The following FXN variants were observed in gnomAD, a reference collection of about 807,000 sequenced individuals.
The protein encoded by FXN is frataxin, mitochondrial.
A neutral mutation model predicts 22.4 loss-of-function variants in FXN; 14 were observed. The ratio of observed to expected loss-of-function variants is 0.62; its 90% confidence interval spans 0.41 to 0.98. The LOEUF (loss-of-function observed/expected upper bound fraction) is 0.98. FXN is among the 50% of genes least tolerant of loss of function. The pLI, the probability that FXN is intolerant of heterozygous loss-of-function variation, is 0.00. For synonymous variants in FXN, 120 were observed against 114.1 expected, an observed-to-expected ratio of 1.05 and a Z score of -0.33; for missense variants, 267 against 268.4, an observed-to-expected ratio of 0.99 and a Z score of 0.04.
chr9:69,053,220 A>T lies in FXN; in HGVS notation c.344A>T (p.Asp115Val). 6.2e-7 allele frequency: 1 copy of T among 1,613,976 alleles called. No homozygotes were observed. The highest frequency in any genetic ancestry group is 2.2e-5 in the East Asian group (1 of 44,854). Residue 115 changes from aspartate to valine, a missense_variant, in exon 3 of 5, where the codon GAC becomes GTC. By Grantham distance (152) the Asp-to-Val change is radical. Coordinates refer to ENST00000484259, the MANE Select transcript of FXN (RefSeq NM_000144.5). ...GCAGAGTTTTTTGAAGACCTTGCAG[A>T]CAAGCCATACACGTTTGAGGACTAT... ...SLAEFFEDLA[D>V]KPYTFEDYDV...
At chr9:69,068,429 A>G (rs1308587832) in intron 4 of FXN, among the ~76,000 whole-genome samples, 1 of 152,134 alleles carries the variant, frequency 6.6e-6, no homozygotes, top group African/African-American at 2.4e-5. Flanking sequence ...TTTGAGACGG[A>G]ACACCCCACA....
intron 1 of FXN, among the ~76,000 whole-genome samples, chr9:69,038,852 A>G (rs1299885385): frequency 6.6e-6 from 1 of 152,226 alleles, no homozygotes; most frequent in Non-Finnish European, 1.5e-5. Context: ...TACTTCCAGC[A>G]TATCTCAATT....
intron 3 of FXN, among the ~76,000 whole-genome samples, chr9:69,060,437 A>G (rs891424209): frequency 6.6e-6 from 1 of 151,974 alleles, no homozygotes; most frequent in African/African-American, 2.4e-5. Flanking sequence ...CCTGCATCTC[A>G]GAAACTGCTA....
chr9:69,037,284 A>AAAAAGAAGAAGAAGAAGAAGAAGAAGAAG (rs544093183), intron 1 of FXN, among the ~76,000 whole-genome samples: 42 of 78,054 alleles, frequency 5.4e-4, no homozygotes, highest in Admixed American at 7.4e-4. Flanking sequence ...AAAAAAAAAA[A>AAAAAGAAGAAGAAGAAGAAGAAGAAGAAG]AAGAAGAAGA....
intron 1 of FXN, 59 bp downstream of exon 1, chr9:69,036,006 CCTG>C: frequency 7.9e-7 from 1 of 1,268,138 alleles, no homozygotes; most frequent in Non-Finnish European, 9.9e-7. Context: ...ACGCCGCACG[CCTG>C]CGCAGGGAGG....
rs150169295 is a variant in FXN at position 69,075,797 on chromosome 9, C to CAA, written c.*3037_*3038dup. On this transcript the variant is annotated 3_prime_UTR_variant, in exon 5 of 5. Transcript: ENST00000484259. ...TCAGGCTGGAGGACAGTGGTACAAT[C>CAA]AAAGCTCATGGCAGCCTCGACCTCC... 1.6e-3 allele frequency: 1,305 copies of CAA among 835,718 alleles called. 18 individuals carry two copies. The African/African-American group carries it at 0.022, about 14-fold the overall frequency. The allele number at this position is 835,718 out of a possible 1,614,324, so 51.8% of individuals were successfully genotyped here. A position where few individuals can be genotyped will look rare whatever the true frequency, so the allele number is the denominator to read the frequency against.
intron 2 of FXN, among the ~76,000 whole-genome samples, chr9:69,047,487 C>T (rs904499462): frequency 1.3e-5 from 2 of 152,206 alleles, no homozygotes; most frequent in African/African-American, 4.8e-5. Flanking sequence ...GGATCAACCT[C>T]TGCCCTGGCA....
At chr9:69,056,500 T>G (rs1282752791) in intron 3 of FXN, among the ~76,000 whole-genome samples, 2 of 152,154 alleles carry the variant, frequency 1.3e-5, no homozygotes, top group Non-Finnish European at 2.9e-5. Context: ...AGACTGCATA[T>G]CTACATAACC....
Position 69,074,775 on chromosome 9 carries a change from A to G in FXN, c.*2013A>G, listed in dbSNP as rs556175198. The stretch of plus-strand genomic sequence containing the variant: ...AAACCTATTAATAATAAAACAGTAT[A>G]AACAAAAGCTAAATAGGTAAAATAT... On this transcript the variant is annotated 3_prime_UTR_variant, in exon 5 of 5. Transcript: ENST00000484259. The G allele has an allele frequency of 3.3e-6, 3 of 912,110 alleles. No individual in the cohort carries two copies. The highest frequency in any genetic ancestry group is 1.2e-4 in the East Asian group (1 of 8,446). 56.5% of individuals were successfully genotyped at this position (912,110 alleles called of 1,614,324 possible).
At chr9:69,060,092 G>A (rs1587825520) in intron 3 of FXN, among the ~76,000 whole-genome samples, 3 of 152,046 alleles carry the variant, frequency 2.0e-5, no homozygotes, top group African/African-American at 7.3e-5. Context: ...TCACCAGCCG[G>A]GCGTGGTGGC....
intron 1 of FXN, among the ~76,000 whole-genome samples, chr9:69,043,117 G>T (rs571672975): frequency 2.0e-4 from 30 of 152,174 alleles, no homozygotes; most frequent in African/African-American, 6.5e-4. Context: ...TGTGCAGAGC[G>T]GCAAAAAAAT....
chr9:69,047,167 G>A (rs1180214799), intron 2 of FXN, among the ~76,000 whole-genome samples: 1 of 152,142 alleles, frequency 6.6e-6, no homozygotes, highest in Non-Finnish European at 1.5e-5. Flanking sequence ...ACCAGTATCT[G>A]CATGGACCCT....
rs984242266 is a variant in FXN at position 69,072,827 on chromosome 9, T to A, written c.*65T>A. Reference sequence around the variant, plus strand: ...CAAGACCCCAGCTTCATTATGCAGCTGAGGTCTGTTTTTTGTTGTTGTTGT... The same window carrying A: ...CAAGACCCCAGCTTCATTATGCAGCAGAGGTCTGTTTTTTGTTGTTGTTGT... On this transcript the variant is annotated 3_prime_UTR_variant, in exon 5 of 5. Coordinates refer to ENST00000484259, the MANE Select transcript of FXN (RefSeq NM_000144.5). 2 of 1,606,360 alleles carry A rather than the reference T, an allele frequency of 1.2e-6. No individual in the cohort carries two copies. The highest frequency in any genetic ancestry group is 2.7e-5 in the African/African-American group (2 of 72,966).
At chr9:69,044,513 G>A (rs1483833957) in intron 1 of FXN, among the ~76,000 whole-genome samples, 1 of 152,110 alleles carries the variant, frequency 6.6e-6, no homozygotes, top group Admixed American at 6.6e-5. Flanking sequence ...TGGCTCAAGA[G>A]CAGTAACTAA....
chr9:69,072,206 A>T (rs1386364253), intron 4 of FXN, among the ~76,000 whole-genome samples: 2 of 152,234 alleles, frequency 1.3e-5, no homozygotes, highest in African/African-American at 4.8e-5. Flanking sequence ...TAAATGGTTA[A>T]TGTGTTATGT....
Position 69,076,219 on chromosome 9 carries a change from T to TG in FXN, c.*3457_*3458insG, listed in dbSNP as rs1587834451. ...GTAGACACTGACAGTGGCCTCATGTTTTTTTTTTTTTTAATCTATAAAATG... is the reference window on the plus strand; with the variant it reads ...GTAGACACTGACAGTGGCCTCATGTTGTTTTTTTTTTTTAATCTATAAAATG... On this transcript the variant is annotated 3_prime_UTR_variant, in exon 5 of 5. Coordinates refer to ENST00000484259, the MANE Select transcript of FXN (RefSeq NM_000144.5). 2.1e-5 allele frequency: 10 copies of TG among 465,248 alleles called. No individual in the cohort carries two copies. In the East Asian group the frequency reaches 2.1e-3, roughly 97 times the overall value. 28.8% of individuals were successfully genotyped at this position (465,248 alleles called of 1,614,324 possible).
At chr9:69,036,912 G>A (rs1469512747) in intron 1 of FXN, among the ~76,000 whole-genome samples, 2 of 152,136 alleles carry the variant, frequency 1.3e-5, no homozygotes, top group African/African-American at 2.4e-5. Flanking sequence ...AACCGTCTGG[G>A]CAAAGGCCAG....
At position 69,074,716 on chromosome 9, in the gene FXN, A is replaced by G; in HGVS notation, c.*1954A>G. 1.1e-6 allele frequency: 1 copy of G among 928,698 alleles called. No homozygotes were observed. Among genetic ancestry groups the G allele is most frequent in the Non-Finnish European group, 1.3e-6 (1 of 779,442 alleles). 57.5% of individuals were successfully genotyped at this position (928,698 alleles called of 1,614,324 possible). Reference sequence around the variant, plus strand: ...GGAATTGGAGATCAGCCTGGGCAACACAGCAAGATCCTATCTCTTAAAAAA... The same window carrying G: ...GGAATTGGAGATCAGCCTGGGCAACGCAGCAAGATCCTATCTCTTAAAAAA... On this transcript the variant is annotated 3_prime_UTR_variant, in exon 5 of 5. Coordinates refer to ENST00000484259, the MANE Select transcript of FXN (RefSeq NM_000144.5).
chr9:69,036,067 A>G (rs1831546255), intron 1 of FXN, 120 bp downstream of exon 1: 3 of 882,960 alleles, frequency 3.4e-6, no homozygotes, highest in Non-Finnish European at 4.4e-6. Context: ...GGACTAGCTC[A>G]CCCCGCTCCT....
Sources: gnomAD v4.1 joint callset for allele counts (sites outside exome capture counted in the v4.1 genomes callset) on GRCh38, gnomAD v4.1.1 for gene constraint, MANE v1.5 for transcripts, NCBI Gene and HGNC (gene_info 2026-07-23, HGNC 2026-07-21) for gene names.